The following RAD23B variants were observed in gnomAD, a reference collection of about 807,000 sequenced individuals.
RAD23B encodes RAD23 nucleotide excision repair protein B.
In RAD23B, 5 loss-of-function variants were observed where a neutral mutation model predicts 49.1. The ratio of observed to expected loss-of-function variants is 0.10; its 90% CI spans 0.05 to 0.21. The LOEUF is 0.21. Ranked by LOEUF, RAD23B falls within the 10% of genes least tolerant of loss-of-function variation. The pLI, the probability that RAD23B is intolerant of heterozygous loss-of-function variation, is 1.00. For synonymous variants in RAD23B, 184 were observed against 165.4 expected (o/e 1.11, Z -0.86); for missense variants, 356 against 486.7 (o/e 0.73, Z 2.53).
At chr9:107,305,396 A>G (rs13287251) in intron 3 of RAD23B, among the ~76,000 whole-genome samples, 16,297 of 152,228 alleles carry the variant, frequency 0.11, 947 homozygotes, top group South Asian at 0.15. Context: ...TTGTCTTCAC[A>G]CTGAATAGGC....
chr9:107,292,172 T>G (rs564353817), intron 1 of RAD23B, among the ~76,000 whole-genome samples: 1 of 152,372 alleles, frequency 6.6e-6, no homozygotes, highest in Non-Finnish European at 1.5e-5. Flanking sequence ...TATTCATTTA[T>G]ATTGCATAAT....
chr9:107,288,288 C>T (rs1833315476), intron 1 of RAD23B, among the ~76,000 whole-genome samples: 1 of 152,150 alleles, frequency 6.6e-6, no homozygotes, highest in African/African-American at 2.4e-5. Flanking sequence ...TGTGTACTTA[C>T]TAGATGTCAG....
chr9:107,307,828 T>C (rs1826809648), intron 4 of RAD23B, among the ~76,000 whole-genome samples: 1 of 152,204 alleles, frequency 6.6e-6, no homozygotes, highest in Non-Finnish European at 1.5e-5. Flanking sequence ...AATAGAATAT[T>C]TGCCCTGTTA....
chr9:107,302,010 A>T (rs747875449), intron 2 of RAD23B, 25 bp from the exon 3 acceptor site: 2 of 1,593,904 alleles, frequency 1.3e-6, no homozygotes, highest in South Asian at 2.3e-5. Context: ...GCCTTAAATG[A>T]TTTTTTTTTC....
intron 1 of RAD23B, among the ~76,000 whole-genome samples, chr9:107,298,633 A>G (rs979424435): frequency 5.3e-5 from 8 of 151,338 alleles, no homozygotes; most frequent in Admixed American, 2.0e-4. Flanking sequence ...GCCTGACCCA[A>G]TGTACTTACA....
intron 9 of RAD23B, among the ~76,000 whole-genome samples, chr9:107,326,627 CTTTTTTTT>C (rs796381629): frequency 5.9e-5 from 4 of 67,510 alleles, no homozygotes; most frequent in African/African-American, 9.5e-5. Context: ...TTTTGTATTT[CTTTTTTTT>C]TTTTTTTTTT....
chr9:107,289,148 CTCCTTTCCTCCCTTCCT>C (rs1833336806), intron 1 of RAD23B, among the ~76,000 whole-genome samples: 1 of 143,506 alleles, frequency 7.0e-6, no homozygotes, highest in Non-Finnish European at 1.5e-5. Flanking sequence ...CTCTCCTTCC[CTCCTTTCCTCCCTTCCT>C]TCCCCACTCC....
At chr9:107,287,001 G>A (rs548620887) in intron 1 of RAD23B, among the ~76,000 whole-genome samples, 3 of 151,786 alleles carry the variant, frequency 2.0e-5, no homozygotes, top group Non-Finnish European at 2.9e-5. Context: ...CTTGAACCCA[G>A]GAGGCAGAGG....
intron 1 of RAD23B, among the ~76,000 whole-genome samples, chr9:107,297,042 C>G (rs1268921671): frequency 6.6e-6 from 1 of 151,422 alleles, no homozygotes; most frequent in African/African-American, 2.4e-5. Flanking sequence ...TCAGTAGAGA[C>G]GGGGTTTCAC....
chr9:107,315,338 C>G (rs1049725620), intron 5 of RAD23B, among the ~76,000 whole-genome samples: 9 of 152,074 alleles, frequency 5.9e-5, no homozygotes, highest in African/African-American at 2.2e-4. Flanking sequence ...ATTGATGTGT[C>G]TGTTTTTATA....
At position 107,283,429 on chromosome 9, in the gene RAD23B, C is replaced by G; in HGVS notation, c.-201C>G. ...CCGAGTTCGCGGGGAAGGCCGCAGT[C>G]GCGGAGGCAGCGGCGCGGTCCGGGG... On this transcript the variant is annotated 5_prime_UTR_variant, in exon 1 of 10. Transcript: ENST00000358015. The G allele has an allele frequency of 2.3e-6, 1 of 435,886 alleles. No individual in the cohort carries two copies. The highest frequency in any genetic ancestry group is 4.4e-5 in the Admixed American group (1 of 22,816). The allele number at this position is 435,886 out of a possible 1,614,324, so 27.0% of individuals were successfully genotyped here. A position where few individuals can be genotyped will look rare whatever the true frequency, so the allele number is the denominator to read the frequency against.
chr9:107,327,650 G>A lies in RAD23B; in HGVS notation c.1117-1893G>A, dbSNP rs1827236687. On this transcript the variant is annotated intron_variant, in intron 9 of 9. Transcript: ENST00000358015. ...TACTTTCAATACTTTTCAACTTATT[G>A]AGGTTCGTTTTGTGGCCTAACATGG... Among the ~76,000 whole-genome samples, 2 of 152,042 alleles carry A rather than the reference G, an allele frequency of 1.3e-5. 1 individual carries two copies. The highest frequency in any genetic ancestry group is 4.2e-4 in the South Asian group (2 of 4,818).
chr9:107,293,495 G>A (rs938838781), intron 1 of RAD23B, among the ~76,000 whole-genome samples: 1 of 152,064 alleles, frequency 6.6e-6, no homozygotes, highest in Non-Finnish European at 1.5e-5. Context: ...TTATATTTCA[G>A]GGCTACCCAT....
intron 5 of RAD23B, among the ~76,000 whole-genome samples, chr9:107,316,288 GCGTGAGCCACCATACCTAGT>G (rs1826994205): frequency 6.6e-6 from 1 of 152,146 alleles, no homozygotes; most frequent in Non-Finnish European, 1.5e-5. Context: ...GGGATTACAG[GCGTGAGCCACCATACCTAGT>G]CTTTACCAAA....
At chr9:107,299,020 G>A (rs1472517258) in intron 1 of RAD23B, among the ~76,000 whole-genome samples, 4 of 152,144 alleles carry the variant, frequency 2.6e-5, no homozygotes. Flanking sequence ...AAAATACTCT[G>A]CTTGGAGTCA....
At chr9:107,316,013 G>A (rs1014903149) in intron 5 of RAD23B, among the ~76,000 whole-genome samples, 88 of 151,306 alleles carry the variant, frequency 5.8e-4, no homozygotes, top group African/African-American at 2.1e-3. Flanking sequence ...ATACTTTTAC[G>A]AATTTTTTTT....
intron 8 of RAD23B, among the ~76,000 whole-genome samples, chr9:107,324,553 G>GT (rs201409424): frequency 0.02 from 3,097 of 151,646 alleles, 102 homozygotes; most frequent in African/African-American, 0.069. Context: ...TCCCACAGTA[G>GT]TTTTTTTTGT....
At chr9:107,306,072 T>TAGATATATATATA (rs1564245552) in intron 3 of RAD23B, among the ~76,000 whole-genome samples, 2 of 42,860 alleles carry the variant, frequency 4.7e-5, no homozygotes, top group Non-Finnish European at 8.3e-5. Context: ...TATATATATA[T>TAGATATATATATA]CTATATATCT....
chr9:107,324,373 C>G (rs554680983), intron 8 of RAD23B, among the ~76,000 whole-genome samples: 1 of 152,218 alleles, frequency 6.6e-6, no homozygotes, highest in South Asian at 2.1e-4. Context: ...GTTCCTTTTT[C>G]TTAGGAACTT....
Sources: gnomAD v4.1 joint callset for allele counts (sites outside exome capture counted in the v4.1 genomes callset) on GRCh38, gnomAD v4.1.1 for gene constraint, MANE v1.5 for transcripts, NCBI Gene and HGNC (gene_info 2026-07-23, HGNC 2026-07-21) for gene names.